ADAMTS12: variants seen among roughly 807,000 people sequenced by gnomAD.
The protein encoded by ADAMTS12 is A disintegrin and metalloproteinase with thrombospondin motifs 12.
ADAMTS12 carries 118 observed loss-of-function variants against 167.8 expected under a neutral mutation model. That is an observed-to-expected ratio of 0.70 (90% confidence interval 0.61 to 0.82). ADAMTS12 has a LOEUF of 0.82. ADAMTS12 is among the 40% of genes least tolerant of loss of function. The pLI, the probability that ADAMTS12 is intolerant of heterozygous loss-of-function variation, is 0.00. For synonymous variants in ADAMTS12, 704 were observed against 716.9 expected (o/e 0.98, Z 0.29); for missense variants, 1,916 against 1,998.8 (o/e 0.96, Z 0.79).
intron 1 of ADAMTS12, among the ~76,000 whole-genome samples, chr5:33,886,133 G>C (rs1173146039): frequency 2.0e-5 from 3 of 152,128 alleles, no homozygotes; most frequent in Non-Finnish European, 2.9e-5. Context: ...CATGATTTTT[G>C]AAAGTATAAA....
intron 22 of ADAMTS12, among the ~76,000 whole-genome samples, chr5:33,541,825 G>C (rs955623651): frequency 2.6e-5 from 4 of 152,144 alleles, no homozygotes; most frequent in Admixed American, 2.0e-4. Context: ...TTACAAAAGA[G>C]CTCCTGAAGG....
intron 3 of ADAMTS12, among the ~76,000 whole-genome samples, chr5:33,686,094 G>A (rs1217227110): frequency 6.6e-6 from 1 of 152,158 alleles, no homozygotes; most frequent in East Asian, 1.9e-4. Flanking sequence ...GTGGGGACAG[G>A]TCTGTTCTAA....
At chr5:33,542,401 C>T (rs1744751907) in intron 22 of ADAMTS12, among the ~76,000 whole-genome samples, 1 of 152,144 alleles carries the variant, frequency 6.6e-6, no homozygotes. Flanking sequence ...TAGACTCCCA[C>T]ACAATAATAA....
chr5:33,584,352 A>G (rs1396060013), intron 18 of ADAMTS12, among the ~76,000 whole-genome samples: 1 of 152,006 alleles, frequency 6.6e-6, no homozygotes, highest in Non-Finnish European at 1.5e-5. Context: ...TTATAGATGC[A>G]ATGCATGAGG....
chr5:33,789,999 A>G (rs538280544), intron 2 of ADAMTS12, among the ~76,000 whole-genome samples: 19 of 152,282 alleles, frequency 1.2e-4, no homozygotes, highest in African/African-American at 4.1e-4. Flanking sequence ...GGACCTTTTC[A>G]AACATAACCA....
At chr5:33,706,902 T>C (rs1018795732) in intron 3 of ADAMTS12, among the ~76,000 whole-genome samples, 4 of 152,120 alleles carry the variant, frequency 2.6e-5, no homozygotes, top group African/African-American at 9.7e-5. Flanking sequence ...ACAAGACAAG[T>C]ATGCCCTTTC....
chr5:33,534,699 G>C (rs1744285334), intron 23 of ADAMTS12, 134 bp downstream of exon 23: 7 of 1,179,064 alleles, frequency 5.9e-6, no homozygotes, highest in Admixed American at 2.8e-5. Context: ...TTGTTCCCAG[G>C]GTTACTGGTT....
chr5:33,542,661 G>T (rs1744764397), intron 22 of ADAMTS12, among the ~76,000 whole-genome samples: 1 of 152,142 alleles, frequency 6.6e-6, no homozygotes, highest in Admixed American at 6.6e-5. Flanking sequence ...ACAACAAACT[G>T]TCTCTCAGAC....
chr5:33,723,369 T>C lies in ADAMTS12; in HGVS notation c.634+28035A>G, dbSNP rs147871865. Among the ~76,000 whole-genome samples the C allele has an allele frequency of 1.9e-3, 285 of 152,288 alleles. 2 individuals carry two copies. The highest frequency in any genetic ancestry group is 6.5e-3 in the African/African-American group (270 of 41,558). On this transcript the variant is annotated intron_variant, in intron 3 of 23. Coordinates refer to ENST00000504830, the MANE Select transcript of ADAMTS12 (RefSeq NM_030955.4). ...GTGTATCTCTCTAAGACCTCAGTCA[T>C]CCTTTTGACCCCAAACACCTCTATT...
chr5:33,624,222 G>A lies in ADAMTS12; in HGVS notation c.2143+9C>T. 1.2e-6 allele frequency: 2 copies of A among 1,613,864 alleles called. No homozygotes were observed. Among genetic ancestry groups the A allele is most frequent in the Non-Finnish European group, 1.7e-6 (2 of 1,179,862 alleles). On this transcript the variant is annotated intron_variant, in intron 14 of 23. Transcript: ENST00000504830. ...CCCCTGCCACTTCGATTATTTATTTGTTTATTACCAGATCCTTCCTTCTGC... is the reference window on the plus strand; with the variant it reads ...CCCCTGCCACTTCGATTATTTATTTATTTATTACCAGATCCTTCCTTCTGC...
At position 33,576,179 on chromosome 5, in the gene ADAMTS12, G is replaced by A. The variant is rs1320428578; in HGVS notation, c.3847C>T (p.Pro1283Ser). Reference sequence around the variant, plus strand: ...GTTGCATCCTCCTCAGTCAGGACTGGTTCAGAACTTTTTGTTTGGTTCATG... The same window carrying A: ...GTTGCATCCTCCTCAGTCAGGACTGATTCAGAACTTTTTGTTTGGTTCATG... ...NNMNQTKSSE[P>S]VLTEEDATSL... Residue 1283 changes from proline to serine, a missense_variant, in exon 19 of 24, where the codon CCA becomes TCA. Physicochemically the swap from Pro to Ser is moderately conservative, Grantham distance 74 (BLOSUM62 -1). Transcript: ENST00000504830. 1.2e-6 allele frequency: 2 copies of A among 1,614,206 alleles called. No homozygotes were observed. The highest frequency in any genetic ancestry group is 3.3e-5 in the Admixed American group (2 of 60,022).
chr5:33,793,807 G>T (rs1746667516), intron 2 of ADAMTS12, among the ~76,000 whole-genome samples: 1 of 152,072 alleles, frequency 6.6e-6, no homozygotes, highest in Non-Finnish European at 1.5e-5. Flanking sequence ...GGCGAAGGGC[G>T]AGATGGGCTT....
Position 33,852,097 on chromosome 5 carries a change from T to TAAC in ADAMTS12, c.489+29019_489+29021dup, listed in dbSNP as rs1035373934. ...TCCTGTGTTTCTTCTGCAAATGTGC[T>TAAC]AACAACAACAACAACAACAAAACCA... On this transcript the variant is annotated intron_variant, in intron 2 of 23. Transcript: ENST00000504830. Among the ~76,000 whole-genome samples the TAAC allele has an allele frequency of 5.9e-5, 9 of 152,012 alleles. No individual in the cohort carries two copies. In the Middle Eastern group the frequency reaches 0.01, roughly 172 times the overall value.
At chr5:33,555,478 G>C (rs1405010879) in intron 20 of ADAMTS12, among the ~76,000 whole-genome samples, 2 of 152,118 alleles carry the variant, frequency 1.3e-5, no homozygotes, top group Non-Finnish European at 2.9e-5. Context: ...TTGAACTGCT[G>C]AGGTCAAGTG....
Position 33,561,160 on chromosome 5 carries a change from A to C in ADAMTS12, c.3992T>G (p.Leu1331Arg). The C allele has an allele frequency of 6.2e-7, 1 of 1,613,998 alleles. No homozygotes were observed. The highest frequency in any genetic ancestry group is 8.5e-7 in the Non-Finnish European group (1 of 1,179,988). The change falls in exon 20 of 24, where the codon CTG (leucine) becomes CGG (arginine). Residue 1331 changes from leucine (L) to arginine (R), a missense_variant. Transcript: ENST00000504830. ...CTCCACCCTTCTCCAGTAGGCCCCCAGGCCACATGTGGTGGAGCACTGTAG... is the reference window on the plus strand; with the variant it reads ...CTCCACCCTTCTCCAGTAGGCCCCCCGGCCACATGTGGTGGAGCACTGTAG... The part of the protein sequence containing the change: ...NWSECSTTCG[L>R]GAYWRRVECS...
At chr5:33,745,030 C>T (rs535331603) in intron 3 of ADAMTS12, among the ~76,000 whole-genome samples, 3 of 152,308 alleles carry the variant, frequency 2.0e-5, no homozygotes, top group African/African-American at 7.2e-5. Context: ...GTAGCCCAGG[C>T]TGGTCTTGAA....
chr5:33,547,282 T>C (rs1745030915), intron 21 of ADAMTS12, among the ~76,000 whole-genome samples: 1 of 151,892 alleles, frequency 6.6e-6, no homozygotes, highest in Admixed American at 6.6e-5. Flanking sequence ...ATCTTCTGAG[T>C]GTTTGTTAGA....
intron 2 of ADAMTS12, among the ~76,000 whole-genome samples, chr5:33,823,633 A>G (rs1406239034): frequency 6.8e-6 from 1 of 147,152 alleles, no homozygotes; most frequent in African/African-American, 2.5e-5. Flanking sequence ...ATAAAAGCCT[A>G]TTGCTATAAC....
intron 2 of ADAMTS12, among the ~76,000 whole-genome samples, chr5:33,850,265 G>C (rs910739058): frequency 2.0e-5 from 3 of 152,128 alleles, no homozygotes; most frequent in Non-Finnish European, 4.4e-5. Context: ...ATGCCTCTGG[G>C]TTTCAGACAC....
Sources: allele counts gnomAD v4.1 joint callset (sites outside exome capture counted in the v4.1 genomes callset), GRCh38; gene constraint gnomAD v4.1.1; transcripts MANE v1.5; gene names NCBI Gene and HGNC (gene_info 2026-07-23, HGNC 2026-07-21).